The following WDPCP variants were observed in gnomAD, a reference collection of about 807,000 sequenced individuals.
The protein encoded by WDPCP is WD repeat-containing and planar cell polarity effector protein fritz homolog.
A neutral mutation model predicts 93.1 loss-of-function variants in WDPCP; 71 were observed. That is an observed-to-expected ratio of 0.76 (90% confidence interval 0.63 to 0.93). WDPCP has a LOEUF of 0.93. Ranked by LOEUF, WDPCP falls within the 40% of genes least tolerant of loss-of-function variation. WDPCP has a pLI of 0.00. For synonymous variants in WDPCP, 315 were observed against 315.0 expected, an observed-to-expected ratio of 1.00 and a Z score of 0.00; for missense variants, 844 against 887.4, an observed-to-expected ratio of 0.95 and a Z score of 0.62.
At chr2:63,552,095 C>CTTCTTTTTTTTTTTTTTTTTT (rs1705709931) in intron 1 of WDPCP, among the ~76,000 whole-genome samples, 1 of 131,020 alleles carries the variant, frequency 7.6e-6, no homozygotes, top group African/African-American at 3.2e-5. Flanking sequence ...CTTGGCCCTG[C>CTTCTTTTTTTTTTTTTTTTTT]TTTCTTTAAA....
chr2:63,525,551 T>C (rs1458279385), intron 1 of WDPCP, among the ~76,000 whole-genome samples: 1 of 152,224 alleles, frequency 6.6e-6, no homozygotes, highest in Non-Finnish European at 1.5e-5. Flanking sequence ...CCAAGTTTCA[T>C]CCAAATCCAT....
rs1449255882 is a variant in WDPCP, at chr2:63,668,973, A to G, written n.309-18135T>C. Among the ~76,000 whole-genome samples, 10 of 152,194 alleles carry G rather than the reference A, an allele frequency of 6.6e-5. 1 individual carries two copies. The East Asian group carries it at 1.7e-3, about 26-fold the overall frequency. On this transcript the variant is annotated intron_variant and non_coding_transcript_variant, in intron 2 of 4. Coordinates refer to the WDPCP transcript ENST00000467687. ...AGAGAAAGCACAGGATTTGGGAACTACTGCCAGCATGCTTTTGGCTAGACC... is the reference window on the plus strand; with the variant it reads ...AGAGAAAGCACAGGATTTGGGAACTGCTGCCAGCATGCTTTTGGCTAGACC...
intron 3 of WDPCP, among the ~76,000 whole-genome samples, chr2:63,636,686 A>G (rs1178225997): frequency 6.6e-6 from 1 of 152,176 alleles, no homozygotes; most frequent in Non-Finnish European, 1.5e-5. Flanking sequence ...TACATTACAA[A>G]TAGTAATAAA....
chr2:63,410,291 TAC>T (rs1362513547), intron 9 of WDPCP, among the ~76,000 whole-genome samples: 5 of 152,178 alleles, frequency 3.3e-5, no homozygotes, highest in Admixed American at 6.5e-5. Flanking sequence ...GAATGAAAGA[TAC>T]AGTCTTTTTC....
intron 13 of WDPCP, among the ~76,000 whole-genome samples, chr2:63,269,863 A>G (rs2677439): frequency 0.81 from 123,576 of 152,170 alleles, 50,937 homozygotes; most frequent in East Asian, 0.96. Context: ...GTTGCCTTCA[A>G]CACATTCAAA....
At chr2:63,404,695 T>C (rs6724115) in intron 9 of WDPCP, 38 bp from the exon 10 acceptor site, 314,713 of 1,611,198 alleles carry the variant, frequency 0.2, 32,329 homozygotes, top group Middle Eastern at 0.33. Flanking sequence ...AGATAAACTT[T>C]GGTTTTTCTT....
chr2:63,588,064 C>G (rs1363923523), intron 1 of WDPCP, 133 bp downstream of exon 1: 14 of 1,133,614 alleles, frequency 1.2e-5, no homozygotes, highest in Non-Finnish European at 1.7e-5. Context: ...AGCCCTCATA[C>G]TCCGCTCAGA....
At chr2:63,386,449 T>C (rs537411579) in intron 10 of WDPCP, among the ~76,000 whole-genome samples, 5 of 152,000 alleles carry the variant, frequency 3.3e-5, no homozygotes, top group Admixed American at 6.6e-5. Flanking sequence ...AATAAGCACA[T>C]GAAAAGATGC....
chr2:63,528,725 A>C (rs1313987940), intron 1 of WDPCP, among the ~76,000 whole-genome samples: 1 of 152,144 alleles, frequency 6.6e-6, no homozygotes, highest in African/African-American at 2.4e-5. Flanking sequence ...TACGAACTTT[A>C]AAGTTGTTTT....
chr2:63,425,537 T>G (rs572533685), intron 9 of WDPCP, among the ~76,000 whole-genome samples: 11 of 152,250 alleles, frequency 7.2e-5, no homozygotes, highest in African/African-American at 2.2e-4. Flanking sequence ...ACAACCAAAC[T>G]AAACTTCTGA....
intron 1 of WDPCP, among the ~76,000 whole-genome samples, chr2:63,555,241 T>C (rs951447010): frequency 2.6e-5 from 4 of 152,232 alleles, no homozygotes; most frequent in Admixed American, 6.5e-5. Context: ...AGACTGCCTC[T>C]TGAGGCCGGA....
chr2:63,320,234 C>G (rs949340660), intron 12 of WDPCP, among the ~76,000 whole-genome samples: 2 of 152,230 alleles, frequency 1.3e-5, no homozygotes, highest in East Asian at 3.9e-4. Context: ...GCAGCAAAGA[C>G]TCTTTCACAA....
At chr2:63,575,559 A>G (rs375720563) in intron 1 of WDPCP, among the ~76,000 whole-genome samples, 611 of 43,690 alleles carry the variant, frequency 0.014, 29 homozygotes, top group African/African-American at 0.018. Flanking sequence ...TATATACAGT[A>G]TATATACTAT....
chr2:63,137,101 A>AT (rs1670677138), intron 17 of WDPCP, among the ~76,000 whole-genome samples: 1 of 152,152 alleles, frequency 6.6e-6, no homozygotes, highest in African/African-American at 2.4e-5. Flanking sequence ...GTCAAATGGC[A>AT]TTTCTGGCTG....
chr2:63,574,207 A>T (rs1040812918), intron 1 of WDPCP, among the ~76,000 whole-genome samples: 5 of 152,112 alleles, frequency 3.3e-5, no homozygotes. Flanking sequence ...TCACTAATAA[A>T]AACCTGCTGG....
At chr2:63,728,429 T>G (rs967988145) in intron 2 of WDPCP, among the ~76,000 whole-genome samples, 22 of 152,214 alleles carry the variant, frequency 1.4e-4, no homozygotes, top group African/African-American at 5.3e-4. Flanking sequence ...TGCACTTGTA[T>G]GATCCTGAGA....
chr2:63,744,700 C>T (rs989177096), intron 2 of WDPCP, among the ~76,000 whole-genome samples: 10 of 151,820 alleles, frequency 6.6e-5, no homozygotes, highest in Non-Finnish European at 1.2e-4. Context: ...TCTTTTTTCC[C>T]CTTTGAGAAG....
At chr2:63,649,018 A>G (rs979968458) in intron 3 of WDPCP, among the ~76,000 whole-genome samples, 2 of 152,096 alleles carry the variant, frequency 1.3e-5, no homozygotes, top group African/African-American at 4.8e-5. Context: ...TTTTTCTTTG[A>G]TAGCATTTAA....
chr2:63,564,924 C>T (rs1336240508), intron 1 of WDPCP, among the ~76,000 whole-genome samples: 3 of 152,000 alleles, frequency 2.0e-5, no homozygotes, highest in African/African-American at 7.2e-5. Context: ...ATTACAGGCG[C>T]GTGCCACCAT....
Sources: allele counts gnomAD v4.1 joint callset (sites outside exome capture counted in the v4.1 genomes callset), GRCh38; gene constraint gnomAD v4.1.1; transcripts MANE v1.5; gene names NCBI Gene and HGNC (gene_info 2026-07-23, HGNC 2026-07-21).